The following MLLT1 variants were observed in gnomAD, a reference collection of about 807,000 sequenced individuals.
MLLT1 encodes MLLT1 super elongation complex subunit, also known as protein ENL.
A neutral mutation model predicts 55.1 loss-of-function variants in MLLT1; 11 were observed. The observed-to-expected ratio is 0.20, with a 90% CI of 0.13 to 0.33. The LOEUF (loss-of-function observed/expected upper bound fraction) is 0.33, where lower values mean the gene tolerates loss of function less well. MLLT1 is among the 10% of genes least tolerant of loss of function. MLLT1 has a pLI of 1.00. For missense variants in MLLT1, 536 were observed against 760.6 expected (o/e 0.70, Z 3.47); for synonymous variants, 323 against 320.1 (o/e 1.01, Z -0.10).
intron 2 of MLLT1, among the ~76,000 whole-genome samples, chr19:6,265,053 AAAACAAAAAAAC>A (rs2091337469): frequency 1.9e-4 from 6 of 31,942 alleles, no homozygotes; most frequent in Admixed American, 1.6e-3. Context: ...AAAAAACAAA[AAAACAAAAAAAC>A]AAAAAAAAAC....
chr19:6,243,969 A>G (rs1228387494), intron 3 of MLLT1, among the ~76,000 whole-genome samples: 2 of 149,206 alleles, frequency 1.3e-5, no homozygotes. Context: ...GTGTGAACCC[A>G]GGAGGCAGGG....
At chr19:6,239,428 G>A (rs2091094302) in intron 3 of MLLT1, among the ~76,000 whole-genome samples, 1 of 152,212 alleles carries the variant, frequency 6.6e-6, no homozygotes, top group African/African-American at 2.4e-5. Context: ...TGACACAAAT[G>A]CCAGGGAACA....
At chr19:6,254,771 G>A (rs557364289) in intron 3 of MLLT1, among the ~76,000 whole-genome samples, 1 of 152,238 alleles carries the variant, frequency 6.6e-6, no homozygotes, top group African/African-American at 2.4e-5. Context: ...AAAAAGGCTG[G>A]AAACTCTTCC....
rs541911281 is a variant in MLLT1 at position 6,226,152 on chromosome 19, C to T, written c.546+825G>A. Among the ~76,000 whole-genome samples the T allele has an allele frequency of 3.9e-4, 60 of 152,320 alleles. No homozygotes were observed. Among genetic ancestry groups the T allele is most frequent in the East Asian group, 9.6e-4 (5 of 5,182 alleles). The stretch of plus-strand genomic sequence containing the variant: ...CCTGCCTGGGATGGCTGGGCCCACA[C>T]GCAGGGCCTGGCAGACAAGTGAGGT... On this transcript the variant is annotated intron_variant, in intron 5 of 11. Transcript: ENST00000252674. This position sits in a 1 kb window ranked among gnomAD's most constrained non-coding sequence, Gnocchi z 6.3.
chr19:6,211,120 C>T lies in MLLT1; in HGVS notation c.*1922G>A, dbSNP rs186787410. ...CTGAGGTTCCTGTCCGTGACCCCGG[C>T]GGCCTCTTGTGCGTAGAGCTCCCAG... is the stretch of plus-strand genomic sequence containing the variant. On this transcript the variant is annotated 3_prime_UTR_variant, in exon 12 of 12. Transcript: ENST00000252674. The surrounding 1 kb of genome is among the most constrained non-coding windows in gnomAD (Gnocchi z 4.6). 8.6e-5 allele frequency: 20 copies of T among 232,398 alleles called. No homozygotes were observed. Among genetic ancestry groups the T allele is most frequent in the African/African-American group, 1.5e-4 (7 of 45,440 alleles). The allele number at this position is 232,398 out of a possible 1,614,324, so 14.4% of individuals were successfully genotyped here. A position where few individuals can be genotyped will look rare whatever the true frequency, so the allele number is the denominator to read the frequency against.
Position 6,210,742 on chromosome 19 carries a change from G to A in MLLT1, c.*2300C>T, listed in dbSNP as rs1376180461. 2 of 230,060 alleles carry A rather than the reference G, an allele frequency of 8.7e-6. No individual in the cohort carries two copies. Among genetic ancestry groups the A allele is most frequent in the Admixed American group, 5.7e-5 (1 of 17,686 alleles). 14.3% of individuals were successfully genotyped at this position (230,060 alleles called of 1,614,324 possible). On this transcript the variant is annotated 3_prime_UTR_variant, in exon 12 of 12. Transcript: ENST00000252674. The surrounding 1 kb of genome is among the most constrained non-coding windows in gnomAD (Gnocchi z 4.6). Reference sequence around the variant, plus strand: ...AGTGCCAGGCCCCTTTCCTATGGAAGTGTCCCCAGAGCCCTCGTGGGCCCA... The same window carrying A: ...AGTGCCAGGCCCCTTTCCTATGGAAATGTCCCCAGAGCCCTCGTGGGCCCA...
rs890991937 is a variant in MLLT1 at position 6,211,337 on chromosome 19, C to T, written c.*1705G>A. ...GCCGGGAGAGAAACAGAGCAGGTGG[C>T]GAGGAGTCCCGGAGGCTTCCTCCGA... On this transcript the variant is annotated 3_prime_UTR_variant, in exon 12 of 12. Coordinates refer to ENST00000252674, the MANE Select transcript of MLLT1 (RefSeq NM_005934.4). The surrounding 1 kb of genome is among the most constrained non-coding windows in gnomAD (Gnocchi z 4.6). 3 of 232,556 alleles carry T rather than the reference C, an allele frequency of 1.3e-5. No individual in the cohort carries two copies. Among genetic ancestry groups the T allele is most frequent in the African/African-American group, 4.4e-5 (2 of 45,228 alleles). The allele number at this position is 232,556 out of a possible 1,614,324, so 14.4% of individuals were successfully genotyped here. A position where few individuals can be genotyped will look rare whatever the true frequency, so the allele number is the denominator to read the frequency against.
chr19:6,254,664 G>A (rs1359419710), intron 3 of MLLT1, among the ~76,000 whole-genome samples: 2 of 152,198 alleles, frequency 1.3e-5, no homozygotes, highest in African/African-American at 4.8e-5. Flanking sequence ...GAAATGTTGT[G>A]AGTGGAGAAC....
At chr19:6,249,329 C>G (rs987686603) in intron 3 of MLLT1, among the ~76,000 whole-genome samples, 1 of 152,060 alleles carries the variant, frequency 6.6e-6, no homozygotes, top group African/African-American at 2.4e-5. Context: ...CTGGACAGCC[C>G]GGGGTCTGAG....
chr19:6,259,059 C>T (rs1377398681), intron 3 of MLLT1: 1 of 152,256 alleles, frequency 6.6e-6, no homozygotes, highest in Non-Finnish European at 1.5e-5. Context: ...GAGGAGTGTC[C>T]CACTCACGGT....
intron 3 of MLLT1, among the ~76,000 whole-genome samples, chr19:6,252,018 G>A (rs2091219607): frequency 6.6e-6 from 1 of 152,192 alleles, no homozygotes; most frequent in Non-Finnish European, 1.5e-5. Context: ...GTGTCTATGA[G>A]GGTGTTTCCA....
chr19:6,265,422 G>A (rs1284752353), intron 2 of MLLT1, among the ~76,000 whole-genome samples: 1 of 152,178 alleles, frequency 6.6e-6, no homozygotes, highest in Non-Finnish European at 1.5e-5. Context: ...TGTAATCCCA[G>A]TACTTTGGGA....
chr19:6,258,693 C>T (rs1465575099), intron 3 of MLLT1, among the ~76,000 whole-genome samples: 1 of 152,212 alleles, frequency 6.6e-6, no homozygotes, highest in Non-Finnish European at 1.5e-5. Context: ...GTCAAGTGCA[C>T]TCGCTGAAAA....
At chr19:6,242,418 G>A (rs2091123257) in intron 3 of MLLT1, among the ~76,000 whole-genome samples, 1 of 152,210 alleles carries the variant, frequency 6.6e-6, no homozygotes, top group South Asian at 2.1e-4. Context: ...TGCCCTTCCT[G>A]TGCCCTCGGA....
At chr19:6,228,469 G>A (rs1295613733) in intron 4 of MLLT1, among the ~76,000 whole-genome samples, 1 of 152,088 alleles carries the variant, frequency 6.6e-6, no homozygotes, top group Non-Finnish European at 1.5e-5. Context: ...CAGGCTCCCC[G>A]GCGGAAACAC....
chr19:6,246,609 C>T lies in MLLT1; in HGVS notation c.276+15619G>A, dbSNP rs373837534. ...ACTACAAGAATGGCAAACAGATGAG[C>T]GGTTGTAAGGGCTGGGGGTGGGGAG... is the stretch of plus-strand genomic sequence containing the variant. On this transcript the variant is annotated intron_variant, in intron 3 of 11. Coordinates refer to ENST00000252674, the MANE Select transcript of MLLT1 (RefSeq NM_005934.4). Among the ~76,000 whole-genome samples the T allele has an allele frequency of 1.8e-4, 26 of 147,994 alleles. No homozygotes were observed. In the South Asian group the frequency reaches 5.4e-3, roughly 31 times the overall value.
chr19:6,278,612 T>C (rs2091440080), intron 1 of MLLT1, among the ~76,000 whole-genome samples: 1 of 152,166 alleles, frequency 6.6e-6, no homozygotes, highest in African/African-American at 2.4e-5. Flanking sequence ...TACAGGAGAC[T>C]GCAGGACTGT....
At chr19:6,250,109 C>T (rs2091200561) in intron 3 of MLLT1, among the ~76,000 whole-genome samples, 1 of 152,048 alleles carries the variant, frequency 6.6e-6, no homozygotes, top group African/African-American at 2.4e-5. Flanking sequence ...CTTGAATAGA[C>T]GTATCTTCAA....
chr19:6,242,335 G>C (rs2091122477), intron 3 of MLLT1, among the ~76,000 whole-genome samples: 1 of 152,196 alleles, frequency 6.6e-6, no homozygotes, highest in South Asian at 2.1e-4. Flanking sequence ...GGATGTGTCA[G>C]GAAGATGCCT....
Sources: gnomAD v4.1 joint callset for allele counts (sites outside exome capture counted in the v4.1 genomes callset) on GRCh38, gnomAD v4.1.1 for gene constraint, Gnocchi (gnomAD v3.1) non-coding constraint, MANE v1.5 for transcripts, NCBI Gene and HGNC (gene_info 2026-07-23, HGNC 2026-07-21) for gene names.